The following NCKAP5 variants were observed in gnomAD, a reference collection of about 807,000 sequenced individuals.
The protein encoded by NCKAP5 is NCK associated protein 5.
In NCKAP5, 92 loss-of-function variants were observed where a neutral mutation model predicts 167.0. The ratio of observed to expected loss-of-function variants is 0.55; its 90% CI spans 0.47 to 0.66. NCKAP5 has a LOEUF of 0.66. NCKAP5 is among the 30% of genes least tolerant of loss of function. The pLI, the probability that NCKAP5 is intolerant of heterozygous loss-of-function variation, is 0.00. For missense variants in NCKAP5, 2,378 were observed against 2,315.0 expected, an observed-to-expected ratio of 1.03 and a Z score of -0.56; for synonymous variants, 891 against 877.4, an observed-to-expected ratio of 1.02 and a Z score of -0.27.
intron 9 of NCKAP5, among the ~76,000 whole-genome samples, chr2:132,871,549 C>G (rs1690814628): frequency 6.6e-6 from 1 of 152,112 alleles, no homozygotes; most frequent in Non-Finnish European, 1.5e-5. Flanking sequence ...ATAGCTCTAT[C>G]CATGATTTAT....
rs538005445 is a variant in NCKAP5, at chr2:132,895,132, C to T, written c.580-16216G>A. Among the ~76,000 whole-genome samples, 7 of 152,028 alleles carry T rather than the reference C, an allele frequency of 4.6e-5. No individual in the cohort carries two copies. The East Asian group carries it at 9.7e-4, about 21-fold the overall frequency. The stretch of plus-strand genomic sequence containing the variant: ...GGATCACAAGGTCAGGAGATGGAGA[C>T]CTTCCTGGCTAACACGGTGAAACCC... On this transcript the variant is annotated intron_variant, in intron 8 of 19. Coordinates refer to ENST00000409261, the MANE Select transcript of NCKAP5 (RefSeq NM_207363.3).
chr2:133,260,381 T>C (rs746642777), intron 4 of NCKAP5, among the ~76,000 whole-genome samples: 1 of 152,214 alleles, frequency 6.6e-6, no homozygotes, highest in African/African-American at 2.4e-5. Flanking sequence ...GGTGCTGTAA[T>C]TCCTTTACAC....
At chr2:133,064,897 A>T (rs2080136006) in intron 6 of NCKAP5, among the ~76,000 whole-genome samples, 1 of 152,226 alleles carries the variant, frequency 6.6e-6, no homozygotes, top group African/African-American at 2.4e-5. Flanking sequence ...AAGTGAATGG[A>T]CTACTCCATC....
At chr2:133,551,270 G>A (rs926753423) in intron 2 of NCKAP5, among the ~76,000 whole-genome samples, 15 of 151,198 alleles carry the variant, frequency 9.9e-5, no homozygotes, top group Non-Finnish European at 1.6e-4. Context: ...AACCAAAAAA[G>A]AGCCCGCATC....
At chr2:133,165,361 A>C (rs2083956511) in intron 5 of NCKAP5, among the ~76,000 whole-genome samples, 2 of 152,234 alleles carry the variant, frequency 1.3e-5, no homozygotes, top group Non-Finnish European at 2.9e-5. Flanking sequence ...CCTCCTGGGT[A>C]CCTTCAAGAA....
chr2:132,975,130 G>A (rs374538455), intron 7 of NCKAP5, among the ~76,000 whole-genome samples: 59 of 152,292 alleles, frequency 3.9e-4, no homozygotes, highest in Non-Finnish European at 5.9e-4. Flanking sequence ...GAAAAATAGC[G>A]TCAGATAAAT....
At chr2:133,360,399 T>C (rs1685020447) in intron 3 of NCKAP5, among the ~76,000 whole-genome samples, 1 of 151,644 alleles carries the variant, frequency 6.6e-6, no homozygotes, top group Non-Finnish European at 1.5e-5. Flanking sequence ...AAAGAGTGTG[T>C]GGTTTTCACT....
At chr2:132,896,875 C>G (rs1693252871) in intron 8 of NCKAP5, among the ~76,000 whole-genome samples, 1 of 152,142 alleles carries the variant, frequency 6.6e-6, no homozygotes, top group Admixed American at 6.6e-5. Context: ...TGGCTAGGAA[C>G]ACACGGTTTC....
intron 3 of NCKAP5, among the ~76,000 whole-genome samples, chr2:133,316,710 C>T (rs976069909): frequency 1.3e-5 from 2 of 152,194 alleles, no homozygotes; most frequent in African/African-American, 2.4e-5. Flanking sequence ...CAAAGACTGC[C>T]TCTACTGCCG....
chr2:133,597,452 G>A, the NCKAP5 span, among the ~76,000 whole-genome samples: 7 of 152,004 alleles, frequency 4.6e-5, no homozygotes, highest in East Asian at 1.9e-4. Context: ...GGTGGATCAC[G>A]AGGTCAGGAG....
At chr2:133,209,248 C>A (rs1420645333) in intron 5 of NCKAP5, among the ~76,000 whole-genome samples, 1 of 151,622 alleles carries the variant, frequency 6.6e-6, no homozygotes, top group Admixed American at 6.6e-5. Context: ...GCTGAAACAA[C>A]CTCCCAGAAT....
At chr2:133,037,371 G>A (rs56336252) in intron 6 of NCKAP5, among the ~76,000 whole-genome samples, 3,361 of 152,074 alleles carry the variant, frequency 0.022, 113 homozygotes, top group African/African-American at 0.075. Flanking sequence ...AAAACTATAG[G>A]AATCACATTA....
At chr2:133,184,053 A>T (rs1184322523) in intron 5 of NCKAP5, among the ~76,000 whole-genome samples, 1 of 151,962 alleles carries the variant, frequency 6.6e-6, no homozygotes, top group Non-Finnish European at 1.5e-5. Context: ...TTCAGGTATG[A>T]ATAATCCTGT....
intron 7 of NCKAP5, among the ~76,000 whole-genome samples, chr2:132,976,841 G>A (rs2076991457): frequency 6.6e-6 from 1 of 151,898 alleles, no homozygotes; most frequent in Non-Finnish European, 1.5e-5. Flanking sequence ...TGACCGAGGT[G>A]CTCAAATTTT....
the NCKAP5 span, among the ~76,000 whole-genome samples, chr2:133,637,474 TC>T: frequency 7.0e-5 from 2 of 28,504 alleles, no homozygotes; most frequent in African/African-American, 2.6e-4. Flanking sequence ...ATTGGTATTT[TC>T]CAAAAAAAAA....
At chr2:133,597,699 GA>G in the NCKAP5 span, among the ~76,000 whole-genome samples, 1 of 114,416 alleles carries the variant, frequency 8.7e-6, no homozygotes, top group Non-Finnish European at 1.8e-5. Flanking sequence ...AAAAAAAAAA[GA>G]AGAGAAAAAA....
intron 2 of NCKAP5, among the ~76,000 whole-genome samples, chr2:133,556,182 G>A (rs2104988954): frequency 6.6e-6 from 1 of 152,278 alleles, no homozygotes; most frequent in East Asian, 1.9e-4. Context: ...TTGAGGATTA[G>A]TGATATGGGT....
chr2:133,661,088 CG>C, the NCKAP5 span, among the ~76,000 whole-genome samples: 1 of 151,884 alleles, frequency 6.6e-6, no homozygotes. Context: ...AGACTGTTCT[CG>C]GGGTGCACTT....
At chr2:133,202,280 T>C (rs1461981807) in intron 5 of NCKAP5, among the ~76,000 whole-genome samples, 2 of 152,114 alleles carry the variant, frequency 1.3e-5, no homozygotes, top group Admixed American at 6.5e-5. Flanking sequence ...AAAGAAGAAA[T>C]GGGGAAAGGA....
Sources: gnomAD v4.1 joint callset for allele counts (sites outside exome capture counted in the v4.1 genomes callset) on GRCh38, gnomAD v4.1.1 for gene constraint, MANE v1.5 for transcripts, NCBI Gene and HGNC (gene_info 2026-07-23, HGNC 2026-07-21) for gene names.